UBFD1: variants seen among roughly 807,000 people sequenced by gnomAD.
The protein encoded by UBFD1 is ubiquitin family domain containing 1.
UBFD1 carries 12 observed loss-of-function variants against 35.1 expected under a neutral mutation model. That is an observed-to-expected ratio of 0.34 (90% CI 0.22 to 0.55). UBFD1 has a LOEUF of 0.55. Among genes scored for constraint, UBFD1 ranks in the 20% least tolerant of loss-of-function variants. UBFD1 has a pLI of 0.89. For synonymous variants in UBFD1, 178 were observed against 167.6 expected, an observed-to-expected ratio of 1.06 and a Z score of -0.48; for missense variants, 337 against 410.8, an observed-to-expected ratio of 0.82 and a Z score of 1.55.
chr16:23,568,228 C>T (rs1287650652), intron 6 of UBFD1, among the ~76,000 whole-genome samples: 10 of 145,474 alleles, frequency 6.9e-5, no homozygotes, highest in South Asian at 2.2e-4. Context: ...GGCGCTATCT[C>T]GGCTCACTGC....
rs1966112364 is a variant in UBFD1, at chr16:23,573,352, A to G, written c.*2762A>G. ...GGCTTCTTTGTCTTCTAGAATCTCT[A>G]CCGGTGGTCCTCCTGCAGGTTCTGG... is the stretch of plus-strand genomic sequence containing the variant. On this transcript the variant is annotated 3_prime_UTR_variant, in exon 7 of 7. Transcript: ENST00000395878. 6.6e-6 allele frequency: 1 copy of G among 152,110 alleles called. No individual in the cohort carries two copies. Among genetic ancestry groups the G allele is most frequent in the African/African-American group, 2.4e-5 (1 of 41,414 alleles). The allele number at this position is 152,110 out of a possible 1,614,324, so 9.4% of individuals were successfully genotyped here.
At position 23,573,195 on chromosome 16, in the gene UBFD1, T is replaced by C. The variant is rs1324460137; in HGVS notation, c.*2605T>C. On this transcript the variant is annotated 3_prime_UTR_variant, in exon 7 of 7. Transcript: ENST00000395878. Reference sequence around the variant, plus strand: ...GAGGGACCAGATCTTTCCCTCACTGTGGCAGGGGCCGTGCAGGTGGATAAA... The same window carrying C: ...GAGGGACCAGATCTTTCCCTCACTGCGGCAGGGGCCGTGCAGGTGGATAAA... 3.3e-5 allele frequency: 5 copies of C among 152,214 alleles called. No homozygotes were observed. The highest frequency in any genetic ancestry group is 2.9e-5 in the Non-Finnish European group (2 of 68,030). 9.4% of individuals were successfully genotyped at this position (152,214 alleles called of 1,614,324 possible). A position where few individuals can be genotyped will look rare whatever the true frequency, so the allele number is the denominator to read the frequency against.
Position 23,559,695 on chromosome 16 carries a change from T to G in UBFD1, c.564+19T>G. ...GCAGAAAGTGAGTCCATCTTGTGCTTCTTGGTCTTGAGAAATTTGAGGCTT... is the reference window on the plus strand; with the variant it reads ...GCAGAAAGTGAGTCCATCTTGTGCTGCTTGGTCTTGAGAAATTTGAGGCTT... On this transcript the variant is annotated intron_variant, in intron 3 of 6. Coordinates refer to ENST00000395878, the MANE Select transcript of UBFD1 (RefSeq NM_019116.3). 1 of 1,613,932 alleles carries G rather than the reference T, an allele frequency of 6.2e-7. No individual in the cohort carries two copies. Among genetic ancestry groups the G allele is most frequent in the Non-Finnish European group, 8.5e-7 (1 of 1,179,868 alleles).
Position 23,562,726 on chromosome 16 carries a change from T to C in UBFD1, c.732T>C (p.Thr244=). ...AACAAGACCAGCTGTGGATTGGCAC[T>C]AAAGGTATGTTCTTCCTCGCCTCCT... ...KLEQDQLWIG[T]KERTEKLPMG... Residue 244 remains threonine, a synonymous_variant, in exon 5 of 7, where the codon ACT becomes ACC. Transcript: ENST00000395878. 1 of 1,613,898 alleles carries C rather than the reference T, an allele frequency of 6.2e-7. No homozygotes were observed. Among genetic ancestry groups the C allele is most frequent in the South Asian group, 1.1e-5 (1 of 91,074 alleles).
chr16:23,562,838 A>T lies in UBFD1; in HGVS notation c.736+108A>T, dbSNP rs1333879034. ...CCCTCCTTCTGAAACCTCTCTCTCC[A>T]CTGTGCTTTGCTTGCTTCTGGCTTT... is the stretch of plus-strand genomic sequence containing the variant. On this transcript the variant is annotated intron_variant, in intron 5 of 6. Transcript: ENST00000395878. 3.2e-6 allele frequency: 3 copies of T among 948,350 alleles called. No homozygotes were observed. The African/African-American group carries it at 4.9e-5, about 15-fold the overall frequency. 58.7% of individuals were successfully genotyped at this position (948,350 alleles called of 1,614,324 possible).
In UBFD1 at chr16:23,557,729, T is replaced by A; in HGVS notation, c.-14T>A. 2.2e-6 allele frequency: 3 copies of A among 1,355,168 alleles called. No individual in the cohort carries two copies. Among genetic ancestry groups the A allele is most frequent in the Non-Finnish European group, 2.9e-6 (3 of 1,051,902 alleles). The allele number at this position is 1,355,168 out of a possible 1,614,324, so 83.9% of individuals were successfully genotyped here. A position where few individuals can be genotyped will look rare whatever the true frequency, so the allele number is the denominator to read the frequency against. ...CGGCCTCTGCGGGAGCGGTGGGTGT[T>A]GTACACAATCATCATGGCGGCGGCC... is the stretch of plus-strand genomic sequence containing the variant. On this transcript the variant is annotated 5_prime_UTR_variant, in exon 1 of 7. Coordinates refer to ENST00000395878, the MANE Select transcript of UBFD1 (RefSeq NM_019116.3).
intron 5 of UBFD1, among the ~76,000 whole-genome samples, chr16:23,563,671 C>G (rs1216953538): frequency 6.6e-6 from 1 of 152,170 alleles, no homozygotes; most frequent in South Asian, 2.1e-4. Flanking sequence ...AGGACACATT[C>G]AAATGCCTAA....
chr16:23,568,407 C>G (rs993386500), intron 6 of UBFD1, among the ~76,000 whole-genome samples: 1 of 151,536 alleles, frequency 6.6e-6, no homozygotes, highest in Non-Finnish European at 1.5e-5. Context: ...ATCCGCCCAC[C>G]TCAGCCTCCC....
At chr16:23,567,326 A>G (rs532796738) in intron 6 of UBFD1, among the ~76,000 whole-genome samples, 1 of 152,316 alleles carries the variant, frequency 6.6e-6, no homozygotes, top group East Asian at 1.9e-4. Context: ...TCTTTTAGAA[A>G]AGTCTCTCTT....
Position 23,573,956 on chromosome 16 carries a change from G to T in UBFD1, c.*3366G>T, listed in dbSNP as rs1466566100. 1 of 152,230 alleles carries T rather than the reference G, an allele frequency of 6.6e-6. No homozygotes were observed. Among genetic ancestry groups the T allele is most frequent in the Non-Finnish European group, 1.5e-5 (1 of 68,060 alleles). 9.4% of individuals were successfully genotyped at this position (152,230 alleles called of 1,614,324 possible). ...TGTTCACACCTGTTGTCTTGGAAGA[G>T]GATGGTCCCTTTGTCTTAAGGCTTT... On this transcript the variant is annotated 3_prime_UTR_variant, in exon 7 of 7. Transcript: ENST00000395878.
At chr16:23,561,307 CTGCCTAG>C (rs1965929662) in intron 3 of UBFD1, among the ~76,000 whole-genome samples, 1 of 152,216 alleles carries the variant, frequency 6.6e-6, no homozygotes, top group African/African-American at 2.4e-5. Context: ...TGGCTTGTGG[CTGCCTAG>C]TGCTTACATT....
At chr16:23,562,366 G>GTT (rs371873073) in intron 4 of UBFD1, 95 bp downstream of exon 4, 3,910 of 921,256 alleles carry the variant, frequency 4.2e-3, no homozygotes, top group Non-Finnish European at 4.9e-3. Context: ...TTTTTTCCCT[G>GTT]TTTTTTTTTT....
chr16:23,570,368 G>A (rs939520454), intron 6 of UBFD1, 112 bp from the exon 7 acceptor site: 26 of 806,716 alleles, frequency 3.2e-5, no homozygotes, highest in Non-Finnish European at 4.7e-5. Context: ...GTTTTGTTTG[G>A]TTTTTCTTCC....
Position 23,558,164 on chromosome 16 carries a change from C to T in UBFD1, c.240C>T (p.Gly80=), listed in dbSNP as rs767367797. 9 of 1,605,176 alleles carry T rather than the reference C, an allele frequency of 5.6e-6. No homozygotes were observed. In the African/African-American group the frequency reaches 8.1e-5, roughly 14 times the overall value. ...SVSNGEDAGG[G]AGRELVDLKI... The stretch of plus-strand genomic sequence containing the variant: ...GCAACGGCGAAGACGCGGGCGGCGG[C>T]GCGGGCAGGGAGCTGGTGGACTTGA... Residue 80 remains glycine, a synonymous_variant, in exon 2 of 7, where the codon GGC becomes GGT. Transcript: ENST00000395878.
chr16:23,561,788 C>T (rs1220449230), intron 3 of UBFD1: 1 of 155,932 alleles, frequency 6.4e-6, no homozygotes. Context: ...CTTTGTCGCC[C>T]TCTTTAGTTT....
At chr16:23,560,687 G>C (rs1965919386) in intron 3 of UBFD1, among the ~76,000 whole-genome samples, 1 of 152,070 alleles carries the variant, frequency 6.6e-6, no homozygotes, top group South Asian at 2.1e-4. Flanking sequence ...TACTGCCCCA[G>C]ACCCCACAGA....
intron 5 of UBFD1, among the ~76,000 whole-genome samples, chr16:23,563,337 G>A (rs1277873449): frequency 3.3e-5 from 5 of 151,862 alleles, no homozygotes; most frequent in Non-Finnish European, 5.9e-5. Context: ...CTCCCTCCCC[G>A]CCTGGTTGCC....
chr16:23,563,836 T>C (rs1256296683), intron 5 of UBFD1, among the ~76,000 whole-genome samples: 1 of 152,268 alleles, frequency 6.6e-6, no homozygotes, highest in Non-Finnish European at 1.5e-5. Context: ...GCTCATGCTG[T>C]GCCCTTACCT....
chr16:23,562,882 C>G (rs1965957708), intron 5 of UBFD1, 152 bp downstream of exon 5: 1 of 710,178 alleles, frequency 1.4e-6, no homozygotes, highest in Non-Finnish European at 2.5e-6. Flanking sequence ...CTTTTAGATG[C>G]TCGCCTTTTG....
Sources: gnomAD v4.1 joint callset for allele counts (sites outside exome capture counted in the v4.1 genomes callset) on GRCh38, gnomAD v4.1.1 for gene constraint, MANE v1.5 for transcripts, NCBI Gene and HGNC (gene_info 2026-07-23, HGNC 2026-07-21) for gene names.